Variants in SPOCK3 observed in about 807,000 individuals in gnomAD.
The protein encoded by SPOCK3 is testican-3.
A neutral mutation model predicts 56.6 loss-of-function variants in SPOCK3; 30 were observed. The ratio of observed to expected loss-of-function variants is 0.53; its 90% CI spans 0.40 to 0.72. The LOEUF is 0.72. Among genes scored for constraint, SPOCK3 ranks in the 30% least tolerant of loss-of-function variants. The pLI is 0.00. For missense variants in SPOCK3, 527 were observed against 530.0 expected (o/e 0.99, Z 0.06); for synonymous variants, 196 against 183.3 (o/e 1.07, Z -0.56).
intron 6 of SPOCK3, among the ~76,000 whole-genome samples, chr4:166,886,240 T>C (rs1398666460): frequency 1.3e-5 from 2 of 152,042 alleles, no homozygotes; most frequent in Non-Finnish European, 1.5e-5. Flanking sequence ...ATGAATTTGA[T>C]CTACTTTACA....
chr4:166,999,750 T>G (rs561370895), intron 4 of SPOCK3, among the ~76,000 whole-genome samples: 1 of 152,310 alleles, frequency 6.6e-6, no homozygotes, highest in African/African-American at 2.4e-5. Context: ...TTACTGGTCC[T>G]TCCCAAAACA....
chr4:167,086,819 C>T (rs1383604794), intron 2 of SPOCK3, among the ~76,000 whole-genome samples: 4 of 152,056 alleles, frequency 2.6e-5, no homozygotes, highest in African/African-American at 9.7e-5. Flanking sequence ...CAGCCTTTAG[C>T]ACAACGCACA....
At chr4:167,106,591 T>C (rs920007454) in intron 2 of SPOCK3, among the ~76,000 whole-genome samples, 1 of 150,968 alleles carries the variant, frequency 6.6e-6, no homozygotes, top group Non-Finnish European at 1.5e-5. Context: ...ATCATTTATT[T>C]AGAAAAGCAA....
intron 5 of SPOCK3, among the ~76,000 whole-genome samples, chr4:166,912,025 A>G (rs996728141): frequency 6.6e-6 from 1 of 152,192 alleles, no homozygotes; most frequent in East Asian, 1.9e-4. Flanking sequence ...TCAATGTCTT[A>G]TTTAGGCAAA....
At chr4:167,116,509 CAAAT>C in intron 2 of SPOCK3, among the ~76,000 whole-genome samples, 1 of 119,268 alleles carries the variant, frequency 8.4e-6, no homozygotes, top group African/African-American at 3.2e-5. Context: ...TATATATACA[CAAAT>C]ATATATACGT....
At chr4:167,178,707 G>A (rs941184679) in intron 2 of SPOCK3, among the ~76,000 whole-genome samples, 1 of 151,954 alleles carries the variant, frequency 6.6e-6, no homozygotes, top group Non-Finnish European at 1.5e-5. Flanking sequence ...AACATACTGA[G>A]CAAAAGATTT....
At chr4:167,179,444 T>C (rs1413798359) in intron 2 of SPOCK3, among the ~76,000 whole-genome samples, 3 of 152,182 alleles carry the variant, frequency 2.0e-5, no homozygotes, top group African/African-American at 7.2e-5. Flanking sequence ...CTTCCCATTC[T>C]TTCCCTGAGC....
intron 2 of SPOCK3, among the ~76,000 whole-genome samples, chr4:167,129,831 G>A (rs1025305919): frequency 2.0e-5 from 3 of 152,088 alleles, no homozygotes; most frequent in African/African-American, 7.2e-5. Flanking sequence ...GCATAAAAGG[G>A]TGAGATATAT....
At chr4:166,941,474 C>G (rs1741064934) in intron 4 of SPOCK3, among the ~76,000 whole-genome samples, 1 of 152,012 alleles carries the variant, frequency 6.6e-6, no homozygotes, top group Non-Finnish European at 1.5e-5. Flanking sequence ...AAATATCTAC[C>G]AAGAGGGGAT....
intron 7 of SPOCK3, among the ~76,000 whole-genome samples, chr4:166,778,482 G>A (rs1014065425): frequency 1.3e-5 from 2 of 152,102 alleles, no homozygotes; most frequent in South Asian, 2.1e-4. Flanking sequence ...TTAAAGTACT[G>A]TAATACTGTC....
intron 4 of SPOCK3, among the ~76,000 whole-genome samples, chr4:166,920,423 A>G (rs1000438812): frequency 6.6e-6 from 1 of 152,218 alleles, no homozygotes; most frequent in Non-Finnish European, 1.5e-5. Flanking sequence ...TAACTAAGGT[A>G]TGAATTGGTT....
At chr4:166,849,496 T>A (rs534233056) in intron 6 of SPOCK3, among the ~76,000 whole-genome samples, 1 of 152,076 alleles carries the variant, frequency 6.6e-6, no homozygotes, top group Non-Finnish European at 1.5e-5. Flanking sequence ...AGAAAAATCA[T>A]TTAATACTTG....
intron 4 of SPOCK3, among the ~76,000 whole-genome samples, chr4:166,958,125 A>T (rs1743714661): frequency 6.6e-6 from 1 of 152,094 alleles, no homozygotes. Context: ...ATGGGGGTGG[A>T]TTTCTCATGA....
At chr4:166,770,320 C>T (rs1738760409) in intron 7 of SPOCK3, among the ~76,000 whole-genome samples, 1 of 152,152 alleles carries the variant, frequency 6.6e-6, no homozygotes, top group Admixed American at 6.5e-5. Flanking sequence ...ATTCGACCAT[C>T]TTGGAACCAA....
Position 166,857,424 on chromosome 4 carries a change from T to C in SPOCK3, c.589+31706A>G, listed in dbSNP as rs116824279. Among the ~76,000 whole-genome samples, 1,029 of 152,278 alleles carry C rather than the reference T, an allele frequency of 6.8e-3. 11 individuals carry two copies. Among genetic ancestry groups the C allele is most frequent in the African/African-American group, 0.023 (970 of 41,562 alleles). On this transcript the variant is annotated intron_variant, in intron 6 of 10. Coordinates refer to ENST00000357545, the MANE Select transcript of SPOCK3 (RefSeq NM_001040159.2). Reference sequence around the variant, plus strand: ...GGACAGAGACCTTCAGAAATCTGCATGAGCCAGCTGGAAAGTCTTGTTGCT... The same window carrying C: ...GGACAGAGACCTTCAGAAATCTGCACGAGCCAGCTGGAAAGTCTTGTTGCT...
intron 2 of SPOCK3, among the ~76,000 whole-genome samples, chr4:167,101,556 T>C (rs1229058627): frequency 6.6e-6 from 1 of 150,400 alleles, no homozygotes; most frequent in Non-Finnish European, 1.5e-5. Flanking sequence ...CTATGATCTA[T>C]GCTTGTTAAT....
At chr4:167,205,481 TA>T (rs1734137381) in intron 2 of SPOCK3, among the ~76,000 whole-genome samples, 1 of 51,922 alleles carries the variant, frequency 1.9e-5, no homozygotes, top group Non-Finnish European at 3.2e-5. Flanking sequence ...ATTTTATATA[TA>T]ATATATAATA....
rs1246957966 is a variant in SPOCK3, at chr4:167,023,277, AG to A, written c.236-22815del. Among the ~76,000 whole-genome samples, 5 of 151,986 alleles carry A rather than the reference AG, an allele frequency of 3.3e-5. No homozygotes were observed. In the South Asian group the frequency reaches 1.0e-3, roughly 32 times the overall value. ...TCCCTGGACTAACTTTTATGAACTC[AG>A]AAAAAAAGACTTATTGATAGCCATG... On this transcript the variant is annotated intron_variant, in intron 3 of 10. Coordinates refer to ENST00000357545, the MANE Select transcript of SPOCK3 (RefSeq NM_001040159.2).
Position 166,754,681 on chromosome 4 carries a change from A to T in SPOCK3, c.758T>A (p.Met253Lys). The change falls in exon 8 of 11, where the codon ATG (methionine) becomes AAG (lysine). Residue 253 changes from methionine (M) to lysine (K), a missense_variant. By Grantham distance (95) the Met-to-Lys change is moderately conservative. Coordinates refer to ENST00000357545, the MANE Select transcript of SPOCK3 (RefSeq NM_001040159.2). Reference protein sequence around the residue: ...LPICKDSLGWMFNRLDTNYDL... With the variant: ...LPICKDSLGWKFNRLDTNYDL... ...ATAGTTTGTATCAAGTCTGTTAAAC[A>T]TCCAGCCAAGTGAGTCCTTGCAAAT... is the stretch of plus-strand genomic sequence containing the variant. 6.2e-7 allele frequency: 1 copy of T among 1,613,744 alleles called. No individual in the cohort carries two copies. Among genetic ancestry groups the T allele is most frequent in the Non-Finnish European group, 8.5e-7 (1 of 1,179,740 alleles).
Sources: allele counts gnomAD v4.1 joint callset (sites outside exome capture counted in the v4.1 genomes callset), GRCh38; gene constraint gnomAD v4.1.1; transcripts MANE v1.5; gene names NCBI Gene and HGNC (gene_info 2026-07-23, HGNC 2026-07-21).